The following ADARB2 variants were observed in gnomAD, a reference collection of about 807,000 sequenced individuals.
ADARB2 encodes inactive double-stranded RNA-specific editase B2.
A neutral mutation model predicts 62.2 loss-of-function variants in ADARB2; 25 were observed. That is an observed-to-expected ratio of 0.40 (90% CI 0.29 to 0.56). The LOEUF (loss-of-function observed/expected upper bound fraction) is 0.56, where lower values mean the gene tolerates loss of function less well. Ranked by LOEUF, ADARB2 falls within the 20% of genes least tolerant of loss-of-function variation. The probability of loss-of-function intolerance (pLI) is 0.43; values close to 1 mark genes in which losing one functional copy is unlikely to be tolerated. For synonymous variants in ADARB2, 572 were observed against 500.8 expected (o/e 1.14, Z -1.90); for missense variants, 1,071 against 1,077.4 (o/e 0.99, Z 0.08).
intron 3 of ADARB2, among the ~76,000 whole-genome samples, chr10:1,316,905 C>T (rs1035895959): frequency 1.3e-5 from 2 of 152,188 alleles, no homozygotes; most frequent in African/African-American, 2.4e-5. Flanking sequence ...CATAAGGTTG[C>T]AGTTTTGTGT....
At chr10:1,458,559 G>A (rs1191105514) in intron 1 of ADARB2, among the ~76,000 whole-genome samples, 1 of 152,200 alleles carries the variant, frequency 6.6e-6, no homozygotes, top group Non-Finnish European at 1.5e-5. Context: ...CCTATGCAGA[G>A]GGAGGCCCCG....
rs1319384759 is a variant in ADARB2, at chr10:1,363,878, C to T, written c.227G>A (p.Gly76Asp). ...GGGCGGTGGCCGCGCGGCCAGGTTG[C>T]CCACGTTGCGGTTCTCCTTCACCTC... ...SAEVKENRNV[G>D]NLAARPPPSG... The change falls in exon 3 of 10, where the codon GGC becomes GAC. Residue 76 changes from glycine to aspartate, a missense_variant. By Grantham distance (94) the Gly-to-Asp change is moderately conservative. Coordinates refer to ENST00000381312, the MANE Select transcript of ADARB2 (RefSeq NM_018702.4). 9 of 1,494,910 alleles carry T rather than the reference C, an allele frequency of 6.0e-6. No homozygotes were observed. In the East Asian group the frequency reaches 7.4e-5, roughly 12 times the overall value. The allele number at this position is 1,494,910 out of a possible 1,614,324, so 92.6% of individuals were successfully genotyped here.
At position 1,720,202 on chromosome 10, in the gene ADARB2, G is replaced by T. The variant is rs542185981; in HGVS notation, c.100+16849C>A. ...TGGAATATAATGCAGCCATGAAAAA[G>T]AATAAAATCATGTTCTTTGCAGCAA... On this transcript the variant is annotated intron_variant, in intron 1 of 9. Transcript: ENST00000381312. Among the ~76,000 whole-genome samples, 3 of 152,310 alleles carry T rather than the reference G, an allele frequency of 2.0e-5. No individual in the cohort carries two copies. In the South Asian group the frequency reaches 6.2e-4, roughly 32 times the overall value.
chr10:1,312,907 C>T (rs540474375), intron 3 of ADARB2, among the ~76,000 whole-genome samples: 32 of 152,136 alleles, frequency 2.1e-4, no homozygotes, highest in African/African-American at 6.8e-4. Context: ...TTGTGTGTTT[C>T]GCCATCTTTT....
chr10:1,431,626 C>G (rs7894824), intron 1 of ADARB2, among the ~76,000 whole-genome samples: 22,033 of 151,826 alleles, frequency 0.15, 1,761 homozygotes, highest in East Asian at 0.28. Flanking sequence ...AGAAATCAAT[C>G]AAATTGAAAA....
intron 8 of ADARB2, among the ~76,000 whole-genome samples, chr10:1,198,517 A>C (rs1836940238): frequency 6.6e-6 from 1 of 152,254 alleles, no homozygotes; most frequent in Admixed American, 6.5e-5. Flanking sequence ...CAGGCAAGGT[A>C]CCAAGATTTA....
intron 1 of ADARB2, among the ~76,000 whole-genome samples, chr10:1,604,973 T>C (rs903269385): frequency 6.6e-6 from 1 of 152,236 alleles, no homozygotes; most frequent in Admixed American, 6.5e-5. Flanking sequence ...CAAACTCTTA[T>C]GGTCAGAGAA....
chr10:1,465,803 G>T (rs1831247579), intron 1 of ADARB2, among the ~76,000 whole-genome samples: 2 of 151,690 alleles, frequency 1.3e-5, no homozygotes, highest in African/African-American at 2.4e-5. Context: ...CCGAAGAGTG[G>T]TGTGGGGCCC....
chr10:1,645,983 G>C (rs1337573145), intron 1 of ADARB2, among the ~76,000 whole-genome samples: 1 of 152,190 alleles, frequency 6.6e-6, no homozygotes, highest in African/African-American at 2.4e-5. Context: ...ACATGAAACA[G>C]ATAATGACAA....
intron 1 of ADARB2, among the ~76,000 whole-genome samples, chr10:1,501,215 G>C (rs949349657): frequency 2.0e-5 from 3 of 152,210 alleles, no homozygotes; most frequent in Non-Finnish European, 2.9e-5. Flanking sequence ...GTGTGTTTGG[G>C]CAGCTTAAAC....
intron 3 of ADARB2, among the ~76,000 whole-genome samples, chr10:1,299,875 G>C (rs1420737338): frequency 6.6e-6 from 1 of 152,188 alleles, no homozygotes; most frequent in Non-Finnish European, 1.5e-5. Flanking sequence ...CCTGCTCTGT[G>C]TCTCCAAGTG....
chr10:1,655,948 G>A (rs57766979), intron 1 of ADARB2, among the ~76,000 whole-genome samples: 1,592 of 152,358 alleles, frequency 0.01, 29 homozygotes, highest in African/African-American at 0.036. Context: ...GAAGTAAGCT[G>A]TGGGTTTTGT....
At chr10:1,501,611 A>G (rs1831769299) in intron 1 of ADARB2, among the ~76,000 whole-genome samples, 1 of 152,212 alleles carries the variant, frequency 6.6e-6, no homozygotes, top group South Asian at 2.1e-4. Flanking sequence ...GCAAAAATCA[A>G]TTTAGCAGAA....
intron 1 of ADARB2, among the ~76,000 whole-genome samples, chr10:1,532,689 C>A (rs550769018): frequency 6.6e-6 from 1 of 152,218 alleles, no homozygotes; most frequent in African/African-American, 2.4e-5. Context: ...CAGTGCCAGC[C>A]GTGATGATCA....
intron 1 of ADARB2, among the ~76,000 whole-genome samples, chr10:1,537,683 A>C (rs910098094): frequency 6.6e-6 from 1 of 152,338 alleles, no homozygotes; most frequent in South Asian, 2.1e-4. Context: ...GAAGCTGGAA[A>C]CCATCATCCT....
chr10:1,375,034 C>T (rs1426981723), intron 2 of ADARB2, among the ~76,000 whole-genome samples: 5 of 152,082 alleles, frequency 3.3e-5, no homozygotes, highest in African/African-American at 1.2e-4. Flanking sequence ...TGGGCAGCTG[C>T]AGAAGGGCCT....
rs868842379 is a variant in ADARB2, at chr10:1,327,852, T to C, written c.1077+35176A>G. Among the ~76,000 whole-genome samples the C allele has an allele frequency of 1.4e-3, 77 of 54,064 alleles. 18 individuals are homozygous for C. Among genetic ancestry groups the C allele is most frequent in the African/African-American group, 5.7e-3 (72 of 12,596 alleles). 35.5% of individuals were successfully genotyped at this position (54,064 alleles called of 152,430 possible). ...CAGCACCTCACAGCTCAGTGCCTCCTCACAGCTCAGCGCCTCCTCACAGCT... is the reference window on the plus strand; with the variant it reads ...CAGCACCTCACAGCTCAGTGCCTCCCCACAGCTCAGCGCCTCCTCACAGCT... On this transcript the variant is annotated intron_variant, in intron 3 of 9. Transcript: ENST00000381312.
chr10:1,579,155 T>G (rs1464570371), intron 1 of ADARB2, among the ~76,000 whole-genome samples: 1 of 152,070 alleles, frequency 6.6e-6, no homozygotes, highest in Non-Finnish European at 1.5e-5. Flanking sequence ...GTACTTAGAG[T>G]CAGGCAGGTG....
intron 3 of ADARB2, among the ~76,000 whole-genome samples, chr10:1,277,385 G>T (rs567164739): frequency 1.3e-5 from 2 of 152,162 alleles, no homozygotes; most frequent in East Asian, 1.9e-4. Context: ...AGAAAGAGAA[G>T]AATCAAATAG....
Sources: allele counts gnomAD v4.1 joint callset (sites outside exome capture counted in the v4.1 genomes callset), GRCh38; gene constraint gnomAD v4.1.1; transcripts MANE v1.5; gene names NCBI Gene and HGNC (gene_info 2026-07-23, HGNC 2026-07-21).